Variants in DDX21 observed in about 807,000 individuals in gnomAD.
DDX21 encodes nucleolar RNA helicase 2.
Under a neutral mutation model 90.0 loss-of-function variants are expected in DDX21, and 18 were observed. That is an observed-to-expected ratio of 0.20 (90% CI 0.14 to 0.30). The LOEUF is 0.30. Ranked by LOEUF, DDX21 falls within the 10% of genes least tolerant of loss-of-function variation. The pLI, the probability that DDX21 is intolerant of heterozygous loss-of-function variation, is 1.00. For missense variants in DDX21, 673 were observed against 944.5 expected (o/e 0.71, Z 3.77); for synonymous variants, 294 against 318.0 (o/e 0.92, Z 0.80).
intron 4 of DDX21, chr10:68,964,071 C>T (rs1339743856): frequency 5.3e-6 from 2 of 377,056 alleles, no homozygotes; most frequent in Non-Finnish European, 5.2e-6. Context: ...TGCACTCCAG[C>T]CTGGGCGATA....
At chr10:68,966,159 G>C (rs1160939536) in intron 5 of DDX21, among the ~76,000 whole-genome samples, 1 of 151,382 alleles carries the variant, frequency 6.6e-6, no homozygotes, top group African/African-American at 2.4e-5. Flanking sequence ...AGCCGGGCGT[G>C]GTGGCAGGCA....
Position 68,959,834 on chromosome 10 carries a change from A to G in DDX21, c.116A>G (p.Asp39Gly), listed in dbSNP as rs1408554967. The change falls in exon 2 of 15, where the codon GAT becomes GGT. Residue 39 changes from aspartate to glycine, a missense_variant. By Grantham distance (94) the Asp-to-Gly change is moderately conservative. Transcript: ENST00000354185. Reference sequence around the variant, plus strand: ...GAGAAAAAAGAGAAGCCAAAATCTGATAAGACTGAAGAGATAGCAGAAGAG... The same window carrying G: ...GAGAAAAAAGAGAAGCCAAAATCTGGTAAGACTGAAGAGATAGCAGAAGAG... ...EKEKKEKPKS[D>G]KTEEIAEEEE... 3.9e-6 allele frequency: 6 copies of G among 1,553,424 alleles called. No homozygotes were observed. The highest frequency in any genetic ancestry group is 2.3e-5 in the East Asian group (1 of 43,708).
In DDX21 at chr10:68,983,645, CA is replaced by C. The variant is rs1843226043; in HGVS notation, c.*835del. The C allele has an allele frequency of 7.1e-6, 1 of 140,420 alleles. No individual in the cohort carries two copies. Among genetic ancestry groups the C allele is most frequent in the South Asian group, 2.3e-4 (1 of 4,272 alleles). The allele number at this position is 140,420 out of a possible 1,614,324, so 8.7% of individuals were successfully genotyped here. On this transcript the variant is annotated 3_prime_UTR_variant, in exon 15 of 15. Transcript: ENST00000354185. ...CTATTGGAAGATTAACATTATTTAC[CA>C]AGAAGGACTTAAGGGAGTAGGGGGC...
chr10:68,959,742 T>A (rs1372547153), intron 1 of DDX21, 64 bp from the exon 2 acceptor site: 14 of 1,175,766 alleles, frequency 1.2e-5, no homozygotes, highest in African/African-American at 3.2e-5. Flanking sequence ...CCAGAATTGA[T>A]GAATGTTGCA....
Position 68,982,965 on chromosome 10 carries a change from A to G in DDX21, c.*153A>G. ...TTTCAGACACAGACAAGCTTCATTT[A>G]AATTATTTCATCTGATCATTATCAT... is the stretch of plus-strand genomic sequence containing the variant. On this transcript the variant is annotated 3_prime_UTR_variant, in exon 15 of 15. Coordinates refer to ENST00000354185, the MANE Select transcript of DDX21 (RefSeq NM_004728.4). 2.1e-6 allele frequency: 2 copies of G among 934,146 alleles called. No individual in the cohort carries two copies. Among genetic ancestry groups the G allele is most frequent in the South Asian group, 3.7e-5 (2 of 53,862 alleles). 57.9% of individuals were successfully genotyped at this position (934,146 alleles called of 1,614,324 possible). A position where few individuals can be genotyped will look rare whatever the true frequency, so the allele number is the denominator to read the frequency against.
chr10:68,974,728 G>A lies in DDX21; in HGVS notation c.1727G>A (p.Ser576Asn). 6.2e-7 allele frequency: 1 copy of A among 1,613,792 alleles called. No homozygotes were observed. The highest frequency in any genetic ancestry group is 1.1e-5 in the South Asian group (1 of 91,060). ...PSATEIIKASSKDAIRLLDSV... is the reference protein window; with the variant it reads ...PSATEIIKASNKDAIRLLDSV... ...GCAACAGAAATAATAAAAGCTTCCA[G>A]CAAAGATGCCATCAGGTATGTTCCC... The change falls in exon 11 of 15, where the codon AGC (serine) becomes AAC (asparagine). Residue 576 changes from serine (S) to asparagine (N), a missense_variant. By Grantham distance (46) the Ser-to-Asn change is conservative (BLOSUM62 1). Transcript: ENST00000354185.
At chr10:68,956,512 C>G in intron 1 of DDX21, 200 bp downstream of exon 1, 1 of 1,428,810 alleles carries the variant, frequency 7.0e-7, no homozygotes, top group Non-Finnish European at 9.2e-7. Context: ...CCGACCGAGC[C>G]AGGTCCGCCG....
intron 1 of DDX21, 146 bp downstream of exon 1, chr10:68,956,458 G>T: frequency 3.4e-6 from 5 of 1,473,916 alleles, no homozygotes; most frequent in Non-Finnish European, 4.5e-6. Flanking sequence ...GCGGGCGGTC[G>T]CCCAGGAGTG....
At chr10:68,977,073 GCTTTT>G (rs1843111847) in intron 11 of DDX21, among the ~76,000 whole-genome samples, 1 of 151,718 alleles carries the variant, frequency 6.6e-6, no homozygotes, top group Non-Finnish European at 1.5e-5. Flanking sequence ...ACCACACCCA[GCTTTT>G]TTTTTTAAAC....
chr10:68,984,619 G>A lies in DDX21; in HGVS notation c.*1807G>A, dbSNP rs1297847369. ...ACCATTTCATTATTTGGATAGGCAT[G>A]GGTACCTTATCAAGCAGATTAAAAG... On this transcript the variant is annotated 3_prime_UTR_variant, in exon 15 of 15. Transcript: ENST00000354185. 1 of 152,150 alleles carries A rather than the reference G, an allele frequency of 6.6e-6. No individual in the cohort carries two copies. The highest frequency in any genetic ancestry group is 2.4e-5 in the African/African-American group (1 of 41,434). The allele number at this position is 152,150 out of a possible 1,614,324, so 9.4% of individuals were successfully genotyped here.
At chr10:68,970,568 C>T (rs1759560794) in intron 8 of DDX21, among the ~76,000 whole-genome samples, 1 of 151,146 alleles carries the variant, frequency 6.6e-6, no homozygotes, top group Non-Finnish European at 1.5e-5. Flanking sequence ...GGGCTCTCTG[C>T]CTCCTGAGTT....
intron 13 of DDX21, among the ~76,000 whole-genome samples, chr10:68,981,089 C>T (rs1843183142): frequency 6.6e-6 from 1 of 152,122 alleles, no homozygotes; most frequent in South Asian, 2.1e-4. Context: ...TTCTGAATAG[C>T]TGGCATTGCT....
At chr10:68,966,437 CATTT>C (rs1277883287) in intron 5 of DDX21, among the ~76,000 whole-genome samples, 6 of 150,530 alleles carry the variant, frequency 4.0e-5, no homozygotes, top group East Asian at 2.0e-4. Context: ...CTTTCTTTTT[CATTT>C]ATTTATTTAT....
Position 68,970,210 on chromosome 10 carries a change from A to G in DDX21, c.1246A>G (p.Ile416Val). Residue 416 changes from isoleucine to valine, a missense_variant, in exon 8 of 15, where the codon ATT becomes GTT. Ile to Val is a conservative substitution (Grantham distance 29). Transcript: ENST00000354185. ...TTTCTTCTTACATAAGCATCTGGCT[A>G]TTAAGTGCCACTGGACTCAGAGGGC... ...KTAITVEHLA[I>V]KCHWTQRAAV... is the part of the protein sequence containing the mutation. 1 of 1,603,772 alleles carries G rather than the reference A, an allele frequency of 6.2e-7. No individual in the cohort carries two copies.
intron 5 of DDX21, among the ~76,000 whole-genome samples, chr10:68,965,886 T>C (rs902034047): frequency 1.5e-5 from 1 of 66,410 alleles, no homozygotes; most frequent in Non-Finnish European, 2.8e-5. Flanking sequence ...TCCTTGGGGC[T>C]CAAGGGCCAA....
Position 68,977,587 on chromosome 10 carries a change from C to G in DDX21, c.1801C>G (p.Leu601Val). 6.2e-7 allele frequency: 1 copy of G among 1,613,734 alleles called. No homozygotes were observed. The highest frequency in any genetic ancestry group is 8.5e-7 in the Non-Finnish European group (1 of 1,179,734). Reference sequence around the variant, plus strand: ...TCACTTCAAACAATCAGCTGAGAAGCTGATAGAGGAGAAGGGAGCTGTGGA... The same window carrying G: ...TCACTTCAAACAATCAGCTGAGAAGGTGATAGAGGAGAAGGGAGCTGTGGA... ...ISHFKQSAEK[L>V]IEEKGAVEAL... Residue 601 changes from leucine (L) to valine (V), a missense_variant, in exon 12 of 15, where the codon CTG becomes GTG. Physicochemically the swap from Leu to Val is conservative, Grantham distance 32 (BLOSUM62 1). Coordinates refer to ENST00000354185, the MANE Select transcript of DDX21 (RefSeq NM_004728.4).
In DDX21 at chr10:68,970,265, A is replaced by G; in HGVS notation, c.1301A>G (p.Tyr434Cys). 6.2e-7 allele frequency: 1 copy of G among 1,614,132 alleles called. No homozygotes were observed. The highest frequency in any genetic ancestry group is 8.5e-7 in the Non-Finnish European group (1 of 1,180,006). Residue 434 changes from tyrosine to cysteine, a missense_variant, in exon 8 of 15, where the codon TAT (tyrosine) becomes TGT (cysteine). Tyr to Cys is a radical substitution (Grantham distance 194). This residue lies in a region of DDX21 where 218 missense variants were observed against 347.3 expected (regional missense o/e 0.63). Transcript: ENST00000354185. ...GTTATTGGGGATGTCATCCGAGTAT[A>G]TAGTGGTCATCAAGGACGCACTATC... ...AAVIGDVIRV[Y>C]SGHQGRTIIF... is the part of the protein sequence containing the mutation.
chr10:68,968,379 C>T (rs897304273), intron 6 of DDX21, among the ~76,000 whole-genome samples: 1 of 152,138 alleles, frequency 6.6e-6, no homozygotes, highest in Non-Finnish European at 1.5e-5. Context: ...GTCTTGATTC[C>T]TGGCCTCAAG....
chr10:68,975,287 T>C (rs1020920867), intron 11 of DDX21, among the ~76,000 whole-genome samples: 5 of 152,284 alleles, frequency 3.3e-5, no homozygotes, highest in African/African-American at 1.2e-4. Context: ...TTAGGTTAAT[T>C]AACAGTTTGT....
Sources: allele counts gnomAD v4.1 joint callset (sites outside exome capture counted in the v4.1 genomes callset), GRCh38; gene constraint gnomAD v4.1.1; regional missense constraint gnomAD v4.1.1; transcripts MANE v1.5; gene names NCBI Gene and HGNC (gene_info 2026-07-23, HGNC 2026-07-21).